Variants in RGS7 observed in about 807,000 individuals in gnomAD.
RGS7 encodes the protein regulator of G-protein signaling 7.
In RGS7, 27 loss-of-function variants were observed where a neutral mutation model predicts 81.1. The observed-to-expected ratio is 0.33, with a 90% CI of 0.25 to 0.46. The LOEUF (loss-of-function observed/expected upper bound fraction) is 0.46. Among genes scored for constraint, RGS7 ranks in the 20% least tolerant of loss-of-function variants. The pLI is 1.00. For synonymous variants in RGS7, 208 were observed against 207.7 expected, an observed-to-expected ratio of 1.00 and a Z score of -0.01; for missense variants, 396 against 607.4, an observed-to-expected ratio of 0.65 and a Z score of 3.66.
At chr1:240,827,470 G>A (rs540422650) in intron 9 of RGS7, among the ~76,000 whole-genome samples, 2 of 152,316 alleles carry the variant, frequency 1.3e-5, no homozygotes, top group African/African-American at 4.8e-5. Flanking sequence ...AATACGTATA[G>A]CGACAAACCC....
intron 2 of RGS7, among the ~76,000 whole-genome samples, chr1:241,294,455 T>C (rs1056321536): frequency 6.6e-6 from 1 of 152,152 alleles, no homozygotes; most frequent in Non-Finnish European, 1.5e-5. Context: ...TACAATAAAA[T>C]AATTTTAAAA....
chr1:241,329,756 A>T (rs1032597009), intron 2 of RGS7, among the ~76,000 whole-genome samples: 1 of 152,138 alleles, frequency 6.6e-6, no homozygotes, highest in African/African-American at 2.4e-5. Flanking sequence ...AGCTCTAGGA[A>T]CTTAGGTGAA....
chr1:240,908,826 A>C (rs1671268628), intron 6 of RGS7, among the ~76,000 whole-genome samples: 1 of 152,182 alleles, frequency 6.6e-6, no homozygotes, highest in Non-Finnish European at 1.5e-5. Context: ...AGCCACCTAA[A>C]TCTGTGATTC....
intron 3 of RGS7, among the ~76,000 whole-genome samples, chr1:240,996,877 G>C (rs1019631081): frequency 2.0e-5 from 3 of 151,456 alleles, no homozygotes; most frequent in African/African-American, 7.3e-5. Flanking sequence ...TTTTTTGTGG[G>C]TTTTTTTTCT....
rs1432006795 is a variant in RGS7 at position 241,192,159 on chromosome 1, G to GGTATGTGTGTGT, written c.79-93398_79-93397insACACACACATAC. 2.8e-4 allele frequency among the ~76,000 whole-genome samples: 34 copies of GGTATGTGTGTGT among 122,010 alleles called. 1 individual carries two copies. In the East Asian group the frequency reaches 3.9e-3, roughly 14 times the overall value. 80.0% of individuals were successfully genotyped at this position (122,010 alleles called of 152,430 possible). A position where few individuals can be genotyped will look rare whatever the true frequency, so the allele number is the denominator to read the frequency against. ...CCTGATCATTTGGCTAGAGAAAACA[G>GGTATGTGTGTGT]GTGTGTGTGTGTGTGTGTGTGTGTG... On this transcript the variant is annotated intron_variant, in intron 2 of 18. Coordinates refer to ENST00000440928, the MANE Select transcript of RGS7 (RefSeq NM_001364886.1).
intron 3 of RGS7, among the ~76,000 whole-genome samples, chr1:241,088,335 G>C (rs559581842): frequency 6.6e-6 from 1 of 151,892 alleles, no homozygotes; most frequent in African/African-American, 2.4e-5. Context: ...ATCAGAACAC[G>C]CCACCAAAAA....
chr1:240,969,142 A>T (rs1031506896), intron 4 of RGS7, among the ~76,000 whole-genome samples: 4 of 152,156 alleles, frequency 2.6e-5, no homozygotes, highest in Non-Finnish European at 5.9e-5. Context: ...TATTAGCTTT[A>T]TCCAGTGCTT....
chr1:241,196,612 T>G (rs1261695625), intron 2 of RGS7, among the ~76,000 whole-genome samples: 1 of 152,030 alleles, frequency 6.6e-6, no homozygotes, highest in Admixed American at 6.6e-5. Flanking sequence ...GTGATACAAT[T>G]TATTGAAGAA....
At chr1:241,069,107 T>C (rs1201595927) in intron 3 of RGS7, among the ~76,000 whole-genome samples, 1 of 152,184 alleles carries the variant, frequency 6.6e-6, no homozygotes, top group African/African-American at 2.4e-5. Flanking sequence ...GCCAATTAAA[T>C]CTCTTTTCTT....
At chr1:241,323,737 T>G (rs1344136301) in intron 2 of RGS7, among the ~76,000 whole-genome samples, 4 of 152,206 alleles carry the variant, frequency 2.6e-5, no homozygotes, top group Non-Finnish European at 5.9e-5. Context: ...ACCCTGAGGT[T>G]CTGATTCCAG....
At chr1:240,984,237 A>G (rs550882930) in intron 3 of RGS7, among the ~76,000 whole-genome samples, 55 of 152,312 alleles carry the variant, frequency 3.6e-4, no homozygotes, top group African/African-American at 1.3e-3. Context: ...CAGAAGAATG[A>G]CATTATCAAA....
intron 5 of RGS7, among the ~76,000 whole-genome samples, chr1:240,933,106 T>C (rs551644936): frequency 1.9e-4 from 29 of 150,538 alleles, no homozygotes; most frequent in Non-Finnish European, 3.4e-4. Flanking sequence ...ATGGTCTCCA[T>C]CTCCTGACCT....
At chr1:240,859,438 C>CTT (rs1418055837) in intron 9 of RGS7, among the ~76,000 whole-genome samples, 7 of 118,394 alleles carry the variant, frequency 5.9e-5, no homozygotes, top group African/African-American at 2.5e-4. Flanking sequence ...TCTTTCTTTC[C>CTT]TGTTTTTTTT....
intron 2 of RGS7, among the ~76,000 whole-genome samples, chr1:241,328,994 G>A (rs12066705): frequency 1.5e-3 from 232 of 152,144 alleles, no homozygotes; most frequent in African/African-American, 5.3e-3. Flanking sequence ...ACCACTCACC[G>A]TCACAAATAA....
At chr1:241,280,911 C>T (rs890410385) in intron 2 of RGS7, among the ~76,000 whole-genome samples, 16 of 152,352 alleles carry the variant, frequency 1.1e-4, no homozygotes, top group African/African-American at 3.1e-4. Context: ...TGCCAAACTA[C>T]AGCTGACTCT....
intron 3 of RGS7, among the ~76,000 whole-genome samples, chr1:241,087,552 C>T (rs1393677691): frequency 6.6e-6 from 1 of 152,150 alleles, no homozygotes; most frequent in Admixed American, 6.5e-5. Context: ...GTAGTTTACA[C>T]TATCATCTGG....
chr1:241,254,714 G>A (rs1264893202), intron 2 of RGS7, among the ~76,000 whole-genome samples: 1 of 152,120 alleles, frequency 6.6e-6, no homozygotes, highest in Non-Finnish European at 1.5e-5. Context: ...TTATGAATAA[G>A]TTACAAGATG....
chr1:240,966,827 T>C (rs1682380742), intron 4 of RGS7, among the ~76,000 whole-genome samples: 3 of 152,214 alleles, frequency 2.0e-5, no homozygotes, highest in South Asian at 2.1e-4. Context: ...GCTTAAACTA[T>C]GAACGTGGAA....
At chr1:240,945,488 A>C (rs1222302275) in intron 4 of RGS7, among the ~76,000 whole-genome samples, 1 of 152,220 alleles carries the variant, frequency 6.6e-6, no homozygotes, top group African/African-American at 2.4e-5. Context: ...TCCTGAATGC[A>C]TTTTGTTTGA....
Sources: gnomAD v4.1 joint callset for allele counts (sites outside exome capture counted in the v4.1 genomes callset) on GRCh38, gnomAD v4.1.1 for gene constraint, MANE v1.5 for transcripts, NCBI Gene and HGNC (gene_info 2026-07-23, HGNC 2026-07-21) for gene names.